Variants in CTNNA3 observed in about 807,000 individuals in gnomAD.
The protein encoded by CTNNA3 is catenin alpha-3.
In CTNNA3, 76 loss-of-function variants were observed where a neutral mutation model predicts 95.7. That is an observed-to-expected ratio of 0.79 (90% CI 0.66 to 0.96). CTNNA3 has a LOEUF of 0.96. Among genes scored for constraint, CTNNA3 ranks in the 40% least tolerant of loss-of-function variants. The pLI is 0.00. For synonymous variants in CTNNA3, 431 were observed against 374.4 expected, an observed-to-expected ratio of 1.15 and a Z score of -1.74; for missense variants, 1,191 against 1,089.8, an observed-to-expected ratio of 1.09 and a Z score of -1.31.
intron 13 of CTNNA3, among the ~76,000 whole-genome samples, chr10:66,135,903 A>ATTT (rs199981098): frequency 7.0e-6 from 1 of 143,504 alleles, no homozygotes. Context: ...ATGTAACACA[A>ATTT]TTTTTTTTTT....
intron 17 of CTNNA3, among the ~76,000 whole-genome samples, chr10:65,921,029 T>C (rs1212402916): frequency 6.6e-6 from 1 of 152,168 alleles, no homozygotes; most frequent in African/African-American, 2.4e-5. Context: ...AATACGCCAA[T>C]TTAAATAGAA....
chr10:66,338,461 A>T (rs1027421416), intron 12 of CTNNA3, among the ~76,000 whole-genome samples: 1 of 152,136 alleles, frequency 6.6e-6, no homozygotes, highest in East Asian at 1.9e-4. Flanking sequence ...AGCCTCAAAA[A>T]GTGCTTAGGC....
At chr10:66,407,933 G>T (rs1045542180) in intron 11 of CTNNA3, among the ~76,000 whole-genome samples, 5 of 152,084 alleles carry the variant, frequency 3.3e-5, no homozygotes, top group Non-Finnish European at 4.4e-5. Flanking sequence ...CTGTTCTAAC[G>T]CATAAATTAT....
chr10:66,549,831 G>C (rs916999201), intron 10 of CTNNA3, among the ~76,000 whole-genome samples: 8 of 152,148 alleles, frequency 5.3e-5, no homozygotes, highest in Non-Finnish European at 1.2e-4. Context: ...TGTGGTCAGA[G>C]TGCACACCTC....
In CTNNA3 at chr10:67,539,792, T is replaced by C. The variant is rs1273149770; in HGVS notation, c.293-123A>G. The C allele has an allele frequency of 7.3e-6, 6 of 816,932 alleles. No individual in the cohort carries two copies. In the East Asian group the frequency reaches 1.1e-4, roughly 15 times the overall value. The allele number at this position is 816,932 out of a possible 1,614,324, so 50.6% of individuals were successfully genotyped here. The stretch of plus-strand genomic sequence containing the variant: ...AAGCATAATATAAAAATATTGTCAG[T>C]TGACAATTTTCTCTCTCAATAAACA... On this transcript the variant is annotated intron_variant, in intron 3 of 17. Coordinates refer to ENST00000433211, the MANE Select transcript of CTNNA3 (RefSeq NM_013266.4).
At chr10:66,699,901 C>T (rs1360916346) in intron 9 of CTNNA3, among the ~76,000 whole-genome samples, 3 of 152,110 alleles carry the variant, frequency 2.0e-5, no homozygotes, top group Non-Finnish European at 2.9e-5. Context: ...AGGTGATCTG[C>T]CTGCCTTGGC....
chr10:66,324,874 C>T (rs528337484), intron 12 of CTNNA3, among the ~76,000 whole-genome samples: 145 of 129,266 alleles, frequency 1.1e-3, no homozygotes, highest in African/African-American at 4.1e-3. Context: ...GATACCCTGT[C>T]ATAATTTTAC....
intron 14 of CTNNA3, among the ~76,000 whole-genome samples, chr10:66,081,706 G>C (rs1225692634): frequency 6.6e-6 from 1 of 152,136 alleles, no homozygotes; most frequent in East Asian, 1.9e-4. Flanking sequence ...AGTGAGCAAA[G>C]TAGAAAATCA....
At chr10:66,928,896 C>A (rs1847221172) in intron 7 of CTNNA3, among the ~76,000 whole-genome samples, 1 of 152,180 alleles carries the variant, frequency 6.6e-6, no homozygotes, top group South Asian at 2.1e-4. Flanking sequence ...GGAGCTTGAG[C>A]TGATTCTTGG....
intron 17 of CTNNA3, among the ~76,000 whole-genome samples, chr10:65,948,125 T>A (rs1477624893): frequency 3.3e-5 from 5 of 151,782 alleles, no homozygotes; most frequent in East Asian, 3.9e-4. Context: ...AAAATATTTT[T>A]AAAAAATTAG....
intron 9 of CTNNA3, among the ~76,000 whole-genome samples, chr10:66,752,863 C>A (rs1277103911): frequency 2.0e-5 from 3 of 152,180 alleles, no homozygotes; most frequent in Non-Finnish European, 4.4e-5. Flanking sequence ...CACGCACACA[C>A]ACACACACTG....
chr10:66,996,578 G>A (rs117978183), intron 7 of CTNNA3, among the ~76,000 whole-genome samples: 1 of 144,256 alleles, frequency 6.9e-6, no homozygotes, highest in Non-Finnish European at 1.5e-5. Context: ...AACCCAGCAG[G>A]TAGAGGTTGC....
chr10:66,695,257 C>T (rs1447263760), intron 9 of CTNNA3, among the ~76,000 whole-genome samples: 1 of 152,146 alleles, frequency 6.6e-6, no homozygotes, highest in Admixed American at 6.5e-5. Context: ...CTCCTGACTC[C>T]CAGACACCAT....
chr10:66,231,021 A>G (rs867576925), intron 13 of CTNNA3, among the ~76,000 whole-genome samples: 31 of 152,098 alleles, frequency 2.0e-4, no homozygotes, highest in Non-Finnish European at 1.5e-4. Context: ...GCTCTTCTCT[A>G]AAAATGGGGC....
chr10:67,642,842 G>T (rs1255928567), intron 2 of CTNNA3, among the ~76,000 whole-genome samples: 2 of 152,176 alleles, frequency 1.3e-5, no homozygotes, highest in Non-Finnish European at 2.9e-5. Flanking sequence ...CAAGGTTGCA[G>T]AGAAAAAGGA....
intron 5 of CTNNA3, among the ~76,000 whole-genome samples, chr10:67,247,752 T>C (rs1193545282): frequency 6.6e-6 from 1 of 152,154 alleles, no homozygotes; most frequent in Non-Finnish European, 1.5e-5. Context: ...TTCCCCTCAT[T>C]TGATCATTAC....
chr10:66,585,591 A>C (rs145971969), intron 10 of CTNNA3, among the ~76,000 whole-genome samples: 265 of 151,846 alleles, frequency 1.7e-3, no homozygotes, highest in African/African-American at 5.8e-3. Context: ...GTTTTCATTC[A>C]TGTCCTGAAT....
Position 66,944,603 on chromosome 10 carries a change from C to T in CTNNA3, c.1048-169079G>A, listed in dbSNP as rs557584426. ...GGTTTTCAATTTACTTTGCCCAGAT[C>T]CATCAAAGGAATTATTATCCAAGGC... On this transcript the variant is annotated intron_variant, in intron 7 of 17. Coordinates refer to ENST00000433211, the MANE Select transcript of CTNNA3 (RefSeq NM_013266.4). 3.9e-5 allele frequency among the ~76,000 whole-genome samples: 6 copies of T among 152,266 alleles called. 1 individual carries two copies. The highest frequency in any genetic ancestry group is 1.4e-4 in the African/African-American group (6 of 41,562).
intron 11 of CTNNA3, among the ~76,000 whole-genome samples, chr10:66,453,395 A>C (rs551418167): frequency 2.6e-5 from 4 of 152,224 alleles, no homozygotes; most frequent in Non-Finnish European, 5.9e-5. Flanking sequence ...GGGCAATTAC[A>C]CTGCCACTTG....
Sources: gnomAD v4.1 joint callset for allele counts (sites outside exome capture counted in the v4.1 genomes callset) on GRCh38, gnomAD v4.1.1 for gene constraint, MANE v1.5 for transcripts, NCBI Gene and HGNC (gene_info 2026-07-23, HGNC 2026-07-21) for gene names.